The following KNTC1 variants were observed in gnomAD, a reference collection of about 807,000 sequenced individuals.
KNTC1 encodes the protein kinetochore associated 1.
A neutral mutation model predicts 314.4 loss-of-function variants in KNTC1; 253 were observed. The ratio of observed to expected loss-of-function variants is 0.80; its 90% CI spans 0.73 to 0.89. The LOEUF is 0.89. Ranked by LOEUF, KNTC1 falls within the 40% of genes least tolerant of loss-of-function variation. KNTC1 has a pLI of 0.00. For synonymous variants in KNTC1, 901 were observed against 901.4 expected (o/e 1.00, Z 0.01); for missense variants, 2,475 against 2,572.9 (o/e 0.96, Z 0.82).
chr12:122,609,027 C>G (rs918136114), intron 51 of KNTC1, among the ~76,000 whole-genome samples: 11 of 151,952 alleles, frequency 7.2e-5, no homozygotes, highest in African/African-American at 1.9e-4. Flanking sequence ...CCACTGTACT[C>G]CAGCCTGAGT....
chr12:122,622,015 C>T, intron 61 of KNTC1, 45 bp downstream of exon 61: 1 of 1,309,406 alleles, frequency 7.6e-7, no homozygotes, highest in Non-Finnish European at 1.1e-6. Context: ...AATGTTGATA[C>T]TAGAAGGTAG....
chr12:122,570,653 C>CATGTTGTGA, intron 22 of KNTC1, among the ~76,000 whole-genome samples: 1 of 152,156 alleles, frequency 6.6e-6, no homozygotes, highest in East Asian at 1.9e-4. Context: ...CCCCACTCTC[C>CATGTTGTGA]ATGTTGTGAT....
At chr12:122,597,238 C>G (rs1871179547) in intron 43 of KNTC1, 1 of 149,266 alleles carries the variant, frequency 6.7e-6, no homozygotes, top group Non-Finnish European at 1.4e-5. Context: ...GGAATAATAC[C>G]TGATTTTTTT....
In KNTC1 at chr12:122,533,601, G is replaced by A. The variant is rs192882272; in HGVS notation, c.130-1063G>A. Among the ~76,000 whole-genome samples the A allele has an allele frequency of 2.0e-3, 298 of 152,206 alleles. 1 individual carries two copies. Among genetic ancestry groups the A allele is most frequent in the Non-Finnish European group, 3.6e-3 (244 of 68,008 alleles). ...AGTCCCAGCTACTTGGGTTGGGGAG[G>A]CACGAAGATCCCTTGAGCCCAGGTG... On this transcript the variant is annotated intron_variant, in intron 2 of 63. Coordinates refer to ENST00000333479, the MANE Select transcript of KNTC1 (RefSeq NM_014708.6).
At chr12:122,625,584 CAAAACAAAAAAAA>C (rs1442822442) in intron 63 of KNTC1, among the ~76,000 whole-genome samples, 1 of 121,430 alleles carries the variant, frequency 8.2e-6, no homozygotes, top group East Asian at 2.2e-4. Context: ...CAAAACAAAA[CAAAACAAAAAAAA>C]AAAACAAAGG....
At chr12:122,582,632 A>G in intron 33 of KNTC1, 73 bp from the exon 34 acceptor site, 1 of 1,359,492 alleles carries the variant, frequency 7.4e-7, no homozygotes, top group South Asian at 1.5e-5. Flanking sequence ...GAAAAAAAAA[A>G]CTAATGAAAA....
At chr12:122,621,806 T>TA (rs1874465306) in intron 60 of KNTC1, 75 bp from the exon 61 acceptor site, 1 of 938,798 alleles carries the variant, frequency 1.1e-6, no homozygotes, top group Non-Finnish European at 1.7e-6. Context: ...AAGAGCAAAA[T>TA]ACCTGATCAA....
intron 24 of KNTC1, among the ~76,000 whole-genome samples, chr12:122,572,197 G>A (rs1255011619): frequency 6.6e-6 from 1 of 152,166 alleles, no homozygotes; most frequent in East Asian, 1.9e-4. Context: ...ATTGAAATCA[G>A]CCTGATTAAC....
chr12:122,541,947 G>A lies in KNTC1; in HGVS notation c.446-103G>A, dbSNP rs1278887261. The A allele has an allele frequency of 1.4e-5, 16 of 1,122,516 alleles. No homozygotes were observed. The East Asian group carries it at 1.6e-4, about 11-fold the overall frequency. 69.5% of individuals were successfully genotyped at this position (1,122,516 alleles called of 1,614,324 possible). On this transcript the variant is annotated intron_variant, in intron 5 of 63. Transcript: ENST00000333479. ...GGCAGGAGAATTGCACCCTAGAGGC[G>A]GAGGTTGCAGGGAGCCGAGATCGCG...
intron 16 of KNTC1, among the ~76,000 whole-genome samples, chr12:122,554,070 A>ATATATATAT (rs1555224793): frequency 1.4e-5 from 1 of 69,156 alleles, no homozygotes; most frequent in Admixed American, 1.4e-4. Context: ...TCCTTAAAAA[A>ATATATATAT]AAAAAAATAT....
chr12:122,534,385 C>A (rs542210639), intron 2 of KNTC1, among the ~76,000 whole-genome samples: 6 of 152,272 alleles, frequency 3.9e-5, no homozygotes, highest in Non-Finnish European at 7.4e-5. Context: ...TACCTGGCTC[C>A]TGCAGCATAA....
At position 122,587,840 on chromosome 12, in the gene KNTC1, T is replaced by G. The variant is rs763478070; in HGVS notation, c.3860T>G (p.Val1287Gly). 3 of 1,613,740 alleles carry G rather than the reference T, an allele frequency of 1.9e-6. No homozygotes were observed. In the Admixed American group the frequency reaches 5.0e-5, roughly 27 times the overall value. Residue 1287 changes from valine to glycine, a missense_variant, in exon 39 of 64, where the codon GTG becomes GGG. Coordinates refer to ENST00000333479, the MANE Select transcript of KNTC1 (RefSeq NM_014708.6). ...GSFGTCLQHSVSNFMNATLSE... is the reference protein window; with the variant it reads ...GSFGTCLQHSGSNFMNATLSE... ...TTTGGTACCTGTCTTCAGCACTCTG[T>G]GTCAAACTTCATGAATGCCACTTTG...
chr12:122,566,025 C>G (rs1466901163), intron 20 of KNTC1, among the ~76,000 whole-genome samples: 12 of 147,912 alleles, frequency 8.1e-5, no homozygotes, highest in Admixed American at 1.3e-4. Context: ...TCACTGCCAC[C>G]TCCGCCTCCC....
At chr12:122,604,813 G>T in intron 49 of KNTC1, 64 bp from the exon 50 acceptor site, 1 of 1,467,314 alleles carries the variant, frequency 6.8e-7, no homozygotes, top group Middle Eastern at 1.7e-4. Context: ...GATAAAGATG[G>T]ATGCTTGGCT....
intron 7 of KNTC1, 107 bp from the exon 8 acceptor site, chr12:122,544,050 CAA>C (rs34718872): frequency 0.041 from 12,948 of 317,338 alleles, no homozygotes; most frequent in South Asian, 0.058. Flanking sequence ...ACTCTGTCTC[CAA>C]AAAAAAAAAA....
rs753014976 is a variant in KNTC1, at chr12:122,605,392, T to C, written c.5473T>C (p.Cys1825Arg). The change falls in exon 51 of 64, where the codon TGC (cysteine) becomes CGC (arginine). Residue 1825 changes from cysteine (C) to arginine (R), a missense_variant. Physicochemically the swap from Cys to Arg is radical, Grantham distance 180. Transcript: ENST00000333479. ...VWDMLLEKWL[C>R]PSTKPGEKPS... ...GGACATGTTGTTGGAAAAATGGCTATGCCCTTCAACAAAACCTGGTGAAGT... is the reference window on the plus strand; with the variant it reads ...GGACATGTTGTTGGAAAAATGGCTACGCCCTTCAACAAAACCTGGTGAAGT... The C allele has an allele frequency of 6.9e-6, 11 of 1,596,244 alleles. No homozygotes were observed. In the East Asian group the frequency reaches 1.1e-4, roughly 16 times the overall value.
chr12:122,536,616 T>C lies in KNTC1; in HGVS notation c.251-1723T>C, dbSNP rs150544952. 6.6e-5 allele frequency among the ~76,000 whole-genome samples: 10 copies of C among 151,358 alleles called. No homozygotes were observed. In the East Asian group the frequency reaches 1.6e-3, roughly 24 times the overall value. ...CTCACTGCAACCTCCACCTCCCAGG[T>C]TCAAGAGATTCTTCTGCCTCAGCCT... is the stretch of plus-strand genomic sequence containing the variant. On this transcript the variant is annotated intron_variant, in intron 3 of 63. Transcript: ENST00000333479.
intron 3 of KNTC1, among the ~76,000 whole-genome samples, chr12:122,537,779 G>C (rs1011336023): frequency 1.3e-5 from 2 of 152,014 alleles, no homozygotes; most frequent in African/African-American, 4.8e-5. Flanking sequence ...TTTTGTTACT[G>C]TTCTCAGATA....
At chr12:122,569,564 C>T (rs1964560298) in intron 21 of KNTC1, 117 bp from the exon 22 acceptor site, 1 of 809,992 alleles carries the variant, frequency 1.2e-6, no homozygotes, top group Non-Finnish European at 2.0e-6. Context: ...CTTTAGCACT[C>T]ATTATTAAAT....
Sources: gnomAD v4.1 joint callset for allele counts (sites outside exome capture counted in the v4.1 genomes callset) on GRCh38, gnomAD v4.1.1 for gene constraint, MANE v1.5 for transcripts, NCBI Gene and HGNC (gene_info 2026-07-23, HGNC 2026-07-21) for gene names.